GOLGA6L9: variants seen among roughly 807,000 people sequenced by gnomAD.
GOLGA6L9 encodes the protein golgin A6 family like 9, also known as golgin subfamily A member 6-like protein 9.
A neutral mutation model predicts 51.3 loss-of-function variants in GOLGA6L9; 19 were observed. The ratio of observed to expected loss-of-function variants is 0.37; its 90% CI spans 0.26 to 0.54. The LOEUF is 0.54. GOLGA6L9 is among the 20% of genes least tolerant of loss of function. The pLI, the probability that GOLGA6L9 is intolerant of heterozygous loss-of-function variation, is 0.83. For missense variants in GOLGA6L9, 247 were observed against 464.1 expected, an observed-to-expected ratio of 0.53 and a Z score of 4.30; for synonymous variants, 97 against 184.2, an observed-to-expected ratio of 0.53 and a Z score of 3.83.
chr15:82,433,374 T>TTGCTGTTTTATATCTC (rs2031499254), intron 4 of GOLGA6L9, among the ~76,000 whole-genome samples, 188 bp from the exon 5 acceptor site: 1 of 152,018 alleles, frequency 6.6e-6, no homozygotes, highest in African/African-American at 2.4e-5. Flanking sequence ...TGTCTGTCCT[T>TTGCTGTTTTATATCTC]TGCTGTTTTA....
the GOLGA6L9 span, among the ~76,000 whole-genome samples, chr15:82,417,398 C>T: frequency 1.3e-5 from 2 of 152,228 alleles, no homozygotes; most frequent in African/African-American, 4.8e-5. Context: ...TCATTTAATA[C>T]AGTAGTAGAG....
chr15:82,430,574 TC>T (rs2031374956), intron 1 of GOLGA6L9: 1 of 11,728 alleles, frequency 8.5e-5, no homozygotes, highest in Admixed American at 3.6e-4. Flanking sequence ...GACTCTGCCC[TC>T]CCCTCCTGCT....
the GOLGA6L9 span, among the ~76,000 whole-genome samples, chr15:82,416,455 C>G: frequency 6.6e-6 from 1 of 152,020 alleles, no homozygotes; most frequent in Non-Finnish European, 1.5e-5. Context: ...GAATATGAGA[C>G]ACATTGTGCT....
the GOLGA6L9 span, among the ~76,000 whole-genome samples, chr15:82,416,588 C>T: frequency 6.6e-6 from 1 of 152,008 alleles, no homozygotes; most frequent in Non-Finnish European, 1.5e-5. Flanking sequence ...TGTGAAAGCC[C>T]ATTGGAGGCA....
chr15:82,429,794 T>C (rs2031340615), upstream of GOLGA6L9, among the ~76,000 whole-genome samples: 1 of 152,080 alleles, frequency 6.6e-6, no homozygotes, highest in Non-Finnish European at 1.5e-5. Context: ...AGCCAGCCCC[T>C]CCCCTCTCCC....
At chr15:82,418,249 G>T in the GOLGA6L9 span, among the ~76,000 whole-genome samples, 331 of 152,340 alleles carry the variant, frequency 2.2e-3, 3 homozygotes, top group Non-Finnish European at 1.5e-3. Flanking sequence ...GATGCCTTTG[G>T]TTAGCTGGAA....
At chr15:82,432,971 A>G in intron 4 of GOLGA6L9, 74 bp downstream of exon 4, 3 of 1,512,608 alleles carry the variant, frequency 2.0e-6, no homozygotes, top group Non-Finnish European at 2.7e-6. Context: ...GGCCCTGAAG[A>G]AAGGGGCTAG....
the GOLGA6L9 span, among the ~76,000 whole-genome samples, chr15:82,418,036 C>A: frequency 6.6e-6 from 1 of 152,272 alleles, no homozygotes; most frequent in Admixed American, 6.5e-5. Context: ...ATTAAACTTT[C>A]ACTTTGAAAG....
chr15:82,424,865 CAT>C (rs2150822863), upstream of GOLGA6L9, among the ~76,000 whole-genome samples: 6 of 145,114 alleles, frequency 4.1e-5, no homozygotes, highest in East Asian at 9.8e-4. Context: ...AACTGATTAT[CAT>C]GTGACAAGTG....
At chr15:82,432,032 T>C (rs1287307653) in intron 2 of GOLGA6L9, 83 bp downstream of exon 2, 3 of 1,279,772 alleles carry the variant, frequency 2.3e-6, no homozygotes, top group South Asian at 1.5e-5. Flanking sequence ...AGATGGACTG[T>C]TGGGTACTGG....
chr15:82,427,324 TTCTTTTTCTTTCTC>T (rs1354508576), upstream of GOLGA6L9, among the ~76,000 whole-genome samples: 372 of 148,816 alleles, frequency 2.5e-3, 1 homozygote, highest in Middle Eastern at 0.01. Context: ...TCTTTCCTCT[TTCTTTTTCTTTCTC>T]TCTTTTTCTT....
At chr15:82,420,817 T>G in the GOLGA6L9 span, among the ~76,000 whole-genome samples, 1 of 151,816 alleles carries the variant, frequency 6.6e-6, no homozygotes, top group Non-Finnish European at 1.5e-5. Context: ...AGAGGGGTTT[T>G]TTTTGTTTTG....
chr15:82,433,994 T>C (rs2031535813), intron 5 of GOLGA6L9, 40 bp from the exon 6 acceptor site: 1 of 1,485,820 alleles, frequency 6.7e-7, no homozygotes, highest in Non-Finnish European at 8.8e-7. Flanking sequence ...TTTTTTTTTT[T>C]GAGAATCCAG....
chr15:82,432,887 T>C lies in GOLGA6L9; in HGVS notation c.335T>C (p.Ile112Thr). ...SAIISQLTEN[I>T]NSLVRTSKEE... The stretch of plus-strand genomic sequence containing the variant: ...ATAATCAGTCAACTCACTGAAAACA[T>C]CAATTCACTGGTAAGAGTCCAGTGG... The change falls in exon 4 of 9, where the codon ATC becomes ACC. Residue 112 changes from isoleucine to threonine, a missense_variant. Physicochemically the swap from Ile to Thr is moderately conservative, Grantham distance 89 (BLOSUM62 -1). Transcript: ENST00000618348. 1 of 1,611,908 alleles carries C rather than the reference T, an allele frequency of 6.2e-7. No individual in the cohort carries two copies. The highest frequency in any genetic ancestry group is 1.7e-5 in the Admixed American group (1 of 59,958).
upstream of GOLGA6L9, among the ~76,000 whole-genome samples, chr15:82,429,225 C>T (rs1229474305): frequency 2.3e-3 from 344 of 151,816 alleles, 3 homozygotes; most frequent in African/African-American, 8.1e-3. Context: ...CAAGCACCCA[C>T]CACCACACCT....
In GOLGA6L9 at chr15:82,436,895, T is replaced by C. The variant is rs1340953956; in HGVS notation, c.*484T>C. On this transcript the variant is annotated 3_prime_UTR_variant, in exon 9 of 9. Coordinates refer to ENST00000618348, the MANE Select transcript of GOLGA6L9 (RefSeq NM_198181.4). The stretch of plus-strand genomic sequence containing the variant: ...CTGTATATTCATTACGGAATTCAGA[T>C]AAAATTTCCTTATGTTCTGCTGTTA... The C allele has an allele frequency of 1.0e-3, 160 of 156,960 alleles. 3 individuals carry two copies. The South Asian group carries it at 0.028, about 27-fold the overall frequency. 9.7% of individuals were successfully genotyped at this position (156,960 alleles called of 1,614,324 possible).
chr15:82,432,582 G>T lies in GOLGA6L9; in HGVS notation c.215G>T (p.Gly72Val), dbSNP rs1158303193. 6.2e-7 allele frequency: 1 copy of T among 1,603,588 alleles called. No homozygotes were observed. The highest frequency in any genetic ancestry group is 1.3e-5 in the African/African-American group (1 of 74,904). ...TCTCATCTCTTGGAGTCAGCAACAG[G>T]TATCTACGGGGAGGGCCGTGCATCC... is the stretch of plus-strand genomic sequence containing the variant. ...GYHSPGDSAT[G>V]IYGEGRASST... Residue 72 changes from glycine to valine, a missense_variant, in exon 3 of 9, where the codon GGT (glycine) becomes GTT (valine). This residue lies in a region of GOLGA6L9 where 74 missense variants were observed against 91.2 expected (regional missense o/e 0.81). Coordinates refer to ENST00000618348, the MANE Select transcript of GOLGA6L9 (RefSeq NM_198181.4).
intron 1 of GOLGA6L9, 69 bp from the exon 2 acceptor site, chr15:82,431,761 A>AC: frequency 7.4e-7 from 1 of 1,354,028 alleles, no homozygotes; most frequent in African/African-American, 1.5e-5. Context: ...TTTTGTCAAA[A>AC]CTGTAAAGGA....
At position 82,432,491 on chromosome 15, in the gene GOLGA6L9, G is replaced by C. The variant is rs1384764140; in HGVS notation, c.205-81G>C. ...GGCAGAAAAGAAGCTTTTGCCAGTT[G>C]ATGGGGGAAGAAAGGAAGTCAGAGG... On this transcript the variant is annotated intron_variant, in intron 2 of 8. Transcript: ENST00000618348. The C allele has an allele frequency of 2.6e-6, 4 of 1,556,242 alleles. No individual in the cohort carries two copies. The East Asian group carries it at 7.0e-5, about 27-fold the overall frequency.
Sources: gnomAD v4.1 joint callset for allele counts (sites outside exome capture counted in the v4.1 genomes callset) on GRCh38, gnomAD v4.1.1 for gene constraint, gnomAD v4.1.1 regional missense constraint, MANE v1.5 for transcripts, NCBI Gene and HGNC (gene_info 2026-07-23, HGNC 2026-07-21) for gene names.